The following HOXD3 variants were observed in gnomAD, a reference collection of about 807,000 sequenced individuals.
HOXD3 encodes the protein homeobox protein Hox-D3.
Under a neutral mutation model 32.8 loss-of-function variants are expected in HOXD3, and 13 were observed. The ratio of observed to expected loss-of-function variants is 0.40; its 90% CI spans 0.26 to 0.63. The LOEUF is 0.63. Ranked by LOEUF, HOXD3 falls within the 20% of genes least tolerant of loss-of-function variation. The pLI, the probability that HOXD3 is intolerant of heterozygous loss-of-function variation, is 0.44. For synonymous variants in HOXD3, 241 were observed against 246.8 expected, an observed-to-expected ratio of 0.98 and a Z score of 0.22; for missense variants, 504 against 577.1, an observed-to-expected ratio of 0.87 and a Z score of 1.30.
intron 1 of HOXD3, among the ~76,000 whole-genome samples, chr2:176,160,468 C>A (rs780192205): frequency 1.3e-5 from 2 of 152,216 alleles, no homozygotes; most frequent in Non-Finnish European, 2.9e-5. Flanking sequence ...CACACCCATC[C>A]GCGTCTGCCC....
In HOXD3 at chr2:176,172,566, T is replaced by G; in HGVS notation, c.*292T>G. Reference sequence around the variant, plus strand: ...CAATCTGGTAATGGTGTCCCAAAGGTAAGTCTGAGACCCATCAGCGGCGCG... The same window carrying G: ...CAATCTGGTAATGGTGTCCCAAAGGGAAGTCTGAGACCCATCAGCGGCGCG... On this transcript the variant is annotated 3_prime_UTR_variant, in exon 4 of 4. Transcript: ENST00000683222. The G allele has an allele frequency of 2.3e-6, 1 of 438,700 alleles. No homozygotes were observed. Among genetic ancestry groups the G allele is most frequent in the Non-Finnish European group, 4.0e-6 (1 of 247,256 alleles). The allele number at this position is 438,700 out of a possible 1,614,324, so 27.2% of individuals were successfully genotyped here. A position where few individuals can be genotyped will look rare whatever the true frequency, so the allele number is the denominator to read the frequency against.
intron 1 of HOXD3, among the ~76,000 whole-genome samples, chr2:176,158,748 C>T (rs1175524235): frequency 6.6e-6 from 1 of 152,154 alleles, no homozygotes; most frequent in African/African-American, 2.4e-5. Flanking sequence ...GCGAGTGACT[C>T]GGGCGCAGAT....
At chr2:176,168,151 G>T (rs1211343237) in intron 2 of HOXD3, among the ~76,000 whole-genome samples, 1 of 151,322 alleles carries the variant, frequency 6.6e-6, no homozygotes, top group Non-Finnish European at 1.5e-5. Flanking sequence ...TCTGCCAGGC[G>T]CAGTGGCTCA....
chr2:176,172,225 A>G lies in HOXD3; in HGVS notation c.1250A>G (p.His417Arg). 1.2e-6 allele frequency: 2 copies of G among 1,610,330 alleles called. No homozygotes were observed. Among genetic ancestry groups the G allele is most frequent in the Non-Finnish European group, 1.7e-6 (2 of 1,179,830 alleles). Residue 417 changes from histidine to arginine, a missense_variant, in exon 4 of 4, where the codon CAC becomes CGC. By Grantham distance (29) the His-to-Arg change is conservative. This residue lies in a region of HOXD3 where 226 missense variants were observed against 246.9 expected (regional missense o/e 0.92). Transcript: ENST00000683222. ...HPTYTDLSAH[H>R]SSQGRLPEAP... ...ACCTACACAGATCTCTCGGCCCACC[A>G]CTCGTCTCAGGGACGACTGCCGGAG...
upstream of HOXD3, among the ~76,000 whole-genome samples, chr2:176,156,835 A>G (rs888631424): frequency 6.6e-6 from 1 of 152,240 alleles, no homozygotes; most frequent in South Asian, 2.1e-4. Context: ...GCATAAAATC[A>G]GACATCTGTC....
At chr2:176,163,983 T>C (rs1448781540) in intron 1 of HOXD3, 90 bp from the exon 2 acceptor site, 1 of 152,234 alleles carries the variant, frequency 6.6e-6, no homozygotes, top group Non-Finnish European at 1.5e-5. Flanking sequence ...ACATTGACTA[T>C]GACGTCCTTC....
chr2:176,152,736 G>A (rs1361338651), upstream of HOXD3: 2 of 1,614,162 alleles, frequency 1.2e-6, no homozygotes, highest in Admixed American at 1.7e-5. The surrounding 1 kb of genome is among the most constrained non-coding windows in gnomAD (Gnocchi z 5.2). Flanking sequence ...GATTGAAATC[G>A]CTCACACCCT....
upstream of HOXD3, chr2:176,152,749 G>A (rs767911118): frequency 2.5e-5 from 41 of 1,614,096 alleles, no homozygotes; most frequent in South Asian, 4.4e-4. This position sits in a 1 kb window ranked among gnomAD's most constrained non-coding sequence, Gnocchi z 5.2. Flanking sequence ...CACACCCTGT[G>A]TCTGTCGGAG....
chr2:176,155,200 C>A (rs552029590), upstream of HOXD3, among the ~76,000 whole-genome samples: 4 of 152,304 alleles, frequency 2.6e-5, no homozygotes, highest in South Asian at 6.2e-4. Flanking sequence ...ATACATTGAA[C>A]CTTCTCTTTG....
rs764337876 is a variant in HOXD3, at chr2:176,171,514, C to T, written c.542-3C>T. The T allele has an allele frequency of 2.2e-5, 35 of 1,577,686 alleles. No homozygotes were observed. The East Asian group carries it at 7.8e-4, about 35-fold the overall frequency. ...CGCCCTCCCTCTCTCCCTCCCTGCC[C>T]AGGAGAGAGCTGCGAGGACAAGAGC... On this transcript the variant is annotated splice_polypyrimidine_tract_variant and splice_region_variant and intron_variant, in intron 3 of 3. Coordinates refer to ENST00000683222, the MANE Select transcript of HOXD3 (RefSeq NM_006898.5).
At chr2:176,169,001 C>T in intron 2 of HOXD3, 30 bp from the exon 3 acceptor site, 1 of 1,464,722 alleles carries the variant, frequency 6.8e-7, no homozygotes, top group South Asian at 1.4e-5. Context: ...ATGACACTCC[C>T]TCTGGGGCCT....
rs1258391804 is a variant in HOXD3 at position 176,171,993 on chromosome 2, G to A, written c.1018G>A (p.Ala340Thr). 1 of 1,609,868 alleles carries A rather than the reference G, an allele frequency of 6.2e-7. No individual in the cohort carries two copies. Among genetic ancestry groups the A allele is most frequent in the Non-Finnish European group, 8.5e-7 (1 of 1,179,382 alleles). The change falls in exon 4 of 4, where the codon GCG (alanine) becomes ACG (threonine). Residue 340 changes from alanine to threonine, a missense_variant. Coordinates refer to ENST00000683222, the MANE Select transcript of HOXD3 (RefSeq NM_006898.5). ...AAPEFEPHPM[A>T]SNGGGFASAN... ...GCCGGAGTTCGAGCCCCATCCCATG[G>A]CGAGCAACGGCGGCGGCTTCGCCAG...
At chr2:176,153,101 G>T (rs1690578263), upstream of HOXD3, 4 of 636,864 alleles carry the variant, frequency 6.3e-6, no homozygotes, top group South Asian at 7.4e-5. Context: ...CCTGCCCGAG[G>T]GCAGCCCCCT....
intron 3 of HOXD3, among the ~76,000 whole-genome samples, chr2:176,171,233 G>A (rs1362996802): frequency 6.6e-6 from 1 of 152,178 alleles, no homozygotes; most frequent in African/African-American, 2.4e-5. Flanking sequence ...GGGTGGGTAT[G>A]GGATGATGGA....
chr2:176,171,051 G>T (rs966802369), intron 3 of HOXD3, among the ~76,000 whole-genome samples: 1 of 152,132 alleles, frequency 6.6e-6, no homozygotes, highest in Non-Finnish European at 1.5e-5. Flanking sequence ...TTGCCCAGAG[G>T]CCAGCTCCTA....
intron 3 of HOXD3, among the ~76,000 whole-genome samples, chr2:176,170,956 A>G (rs1691150945): frequency 6.7e-6 from 1 of 148,334 alleles, no homozygotes; most frequent in Non-Finnish European, 1.5e-5. Flanking sequence ...TTGGTTTGTC[A>G]CCTCCCTGGC....
chr2:176,168,446 T>C (rs1323937767), intron 2 of HOXD3, among the ~76,000 whole-genome samples: 1 of 152,112 alleles, frequency 6.6e-6, no homozygotes, highest in Non-Finnish European at 1.5e-5. Context: ...CAGGTGCCTG[T>C]AATCCCAGCT....
At chr2:176,166,445 A>T (rs188660481) in intron 2 of HOXD3, among the ~76,000 whole-genome samples, 267 of 152,286 alleles carry the variant, frequency 1.8e-3, no homozygotes, top group African/African-American at 6.1e-3. Flanking sequence ...GTCCGATGTG[A>T]CCATTAGGCC....
chr2:176,169,770 C>G, intron 3 of HOXD3, 115 bp downstream of exon 3: 1 of 1,282,816 alleles, frequency 7.8e-7, no homozygotes, highest in South Asian at 1.5e-5. Flanking sequence ...CTCCTACTCA[C>G]GTCAAAATGT....
Sources: allele counts gnomAD v4.1 joint callset (sites outside exome capture counted in the v4.1 genomes callset), GRCh38; gene constraint gnomAD v4.1.1; regional missense constraint gnomAD v4.1.1; non-coding constraint Gnocchi (gnomAD v3.1); transcripts MANE v1.5; gene names NCBI Gene and HGNC (gene_info 2026-07-23, HGNC 2026-07-21).